The following KIAA1549L variants were observed in gnomAD, a reference collection of about 807,000 sequenced individuals.
KIAA1549L encodes the protein UPF0606 protein KIAA1549L.
KIAA1549L carries 88 observed loss-of-function variants against 160.7 expected under a neutral mutation model. That is an observed-to-expected ratio of 0.55 (90% CI 0.46 to 0.65). The LOEUF is 0.65. Ranked by LOEUF, KIAA1549L falls within the 30% of genes least tolerant of loss-of-function variation. The pLI is 0.00. For synonymous variants in KIAA1549L, 950 were observed against 976.7 expected, an observed-to-expected ratio of 0.97 and a Z score of 0.51; for missense variants, 2,258 against 2,437.5, an observed-to-expected ratio of 0.93 and a Z score of 1.55.
At position 33,494,688 on chromosome 11, in the gene KIAA1549L, A is replaced by G. The variant is rs78880380; in HGVS notation, c.239-47114A>G. On this transcript the variant is annotated intron_variant, in intron 1 of 20. Coordinates refer to ENST00000658780, the MANE Select transcript of KIAA1549L (RefSeq NM_012194.3). Reference sequence around the variant, plus strand: ...ATGAGGGTGCTAAGTGGCCAGTGAAATGGAAATTTTTCCAAAAGCCAGATT... The same window carrying G: ...ATGAGGGTGCTAAGTGGCCAGTGAAGTGGAAATTTTTCCAAAAGCCAGATT... Among the ~76,000 whole-genome samples the G allele has an allele frequency of 7.0e-3, 1,071 of 152,254 alleles. 16 individuals are homozygous for G. The highest frequency in any genetic ancestry group is 0.025 in the African/African-American group (1,034 of 41,548).
chr11:33,623,692 G>A (rs1851019942), intron 16 of KIAA1549L, among the ~76,000 whole-genome samples: 2 of 152,148 alleles, frequency 1.3e-5, no homozygotes, highest in Admixed American at 6.5e-5. Flanking sequence ...GCCACTTGGC[G>A]AGTGGGGAGT....
chr11:33,661,131 G>A (rs938833721), intron 20 of KIAA1549L, 117 bp downstream of exon 20: 9 of 1,037,850 alleles, frequency 8.7e-6, no homozygotes, highest in Admixed American at 7.8e-5. Flanking sequence ...CACAGTACCC[G>A]GATGACTAAA....
rs752331989 is a variant in KIAA1549L, at chr11:33,591,394, C to T, written c.4724C>T (p.Thr1575Ile). The change falls in exon 12 of 21, where the codon ACC becomes ATC. Residue 1575 changes from threonine (T) to isoleucine (I), a missense_variant. Thr to Ile is a moderately conservative substitution (Grantham distance 89, BLOSUM62 -1). Coordinates refer to ENST00000658780, the MANE Select transcript of KIAA1549L (RefSeq NM_012194.3). ...DVAQDGSTIK[T>I]AKSTETRKSR... is the part of the protein sequence containing the mutation. ...GCTCAGGATGGAAGCACCATCAAGA[C>T]CGCCAAATCCACTGAAACCAGGAAG... 4.4e-6 allele frequency: 7 copies of T among 1,606,884 alleles called. No homozygotes were observed. Among genetic ancestry groups the T allele is most frequent in the Non-Finnish European group, 6.0e-6 (7 of 1,174,622 alleles).
chr11:33,479,524 C>A (rs1204467410), intron 1 of KIAA1549L, among the ~76,000 whole-genome samples: 1 of 151,928 alleles, frequency 6.6e-6, no homozygotes, highest in Non-Finnish European at 1.5e-5. Flanking sequence ...AGTGGCTGTG[C>A]CAAAGAGAAA....
At chr11:33,451,460 C>G (rs1816256108) in intron 1 of KIAA1549L, among the ~76,000 whole-genome samples, 1 of 152,162 alleles carries the variant, frequency 6.6e-6, no homozygotes, top group South Asian at 2.1e-4. Flanking sequence ...TTTATTTTTC[C>G]TGAAGTTTCT....
chr11:33,530,483 A>ATG (rs1853743744), intron 1 of KIAA1549L, among the ~76,000 whole-genome samples: 9 of 124,072 alleles, frequency 7.3e-5, no homozygotes, highest in Non-Finnish European at 1.5e-4. Context: ...ATATATATAT[A>ATG]TGCAAGATTT....
rs1321827049 is a variant in KIAA1549L, at chr11:33,626,276, G to GT, written c.5409+7620dup. Among the ~76,000 whole-genome samples the GT allele has an allele frequency of 3.8e-4, 53 of 139,606 alleles. No homozygotes were observed. In the East Asian group the frequency reaches 8.7e-3, roughly 23 times the overall value. The allele number at this position is 139,606 out of a possible 152,430, so 91.6% of individuals were successfully genotyped here. ...TTGGTTCCATATGAACTTTAAAGTA[G>GT]TTTTTTCCAATTCTGTGAAGAAAGT... On this transcript the variant is annotated intron_variant, in intron 16 of 20. Coordinates refer to ENST00000658780, the MANE Select transcript of KIAA1549L (RefSeq NM_012194.3).
At chr11:33,661,392 C>T (rs77003092) in intron 20 of KIAA1549L, among the ~76,000 whole-genome samples, 6,742 of 152,272 alleles carry the variant, frequency 0.044, 201 homozygotes, top group Non-Finnish European at 0.068. Context: ...TGATTACTCC[C>T]ATCTTGCAGA....
At chr11:33,546,626 G>C (rs1363577650) in intron 3 of KIAA1549L, among the ~76,000 whole-genome samples, 1 of 152,134 alleles carries the variant, frequency 6.6e-6, no homozygotes, top group Admixed American at 6.5e-5. Context: ...CTGTTCTCCA[G>C]TCTGTAGTCA....
intron 1 of KIAA1549L, among the ~76,000 whole-genome samples, chr11:33,512,846 G>A (rs1230527527): frequency 1.3e-5 from 2 of 152,148 alleles, no homozygotes; most frequent in Non-Finnish European, 2.9e-5. Context: ...TTTGCCCAAG[G>A]TTACACAGCA....
At chr11:33,488,460 G>A (rs530307505) in intron 1 of KIAA1549L, among the ~76,000 whole-genome samples, 9 of 152,268 alleles carry the variant, frequency 5.9e-5, no homozygotes, top group African/African-American at 1.9e-4. Flanking sequence ...GGTAATTGAA[G>A]CCTCTAATTC....
At chr11:33,587,885 A>C (rs1849927930) in intron 11 of KIAA1549L, among the ~76,000 whole-genome samples, 1 of 152,190 alleles carries the variant, frequency 6.6e-6, no homozygotes, top group Non-Finnish European at 1.5e-5. Context: ...GGAGTGTTGC[A>C]TAGGAGCCAG....
intron 1 of KIAA1549L, among the ~76,000 whole-genome samples, chr11:33,473,378 G>A (rs1266445364): frequency 1.3e-5 from 2 of 152,164 alleles, no homozygotes; most frequent in Non-Finnish European, 2.9e-5. Context: ...AATCTTGGGC[G>A]AACAGGGGAT....
At chr11:33,391,790 C>G (rs769657177) in intron 1 of KIAA1549L, among the ~76,000 whole-genome samples, 6 of 152,152 alleles carry the variant, frequency 3.9e-5, no homozygotes, top group Non-Finnish European at 8.8e-5. Context: ...CTCCCAGTGT[C>G]CTACTGATGG....
intron 16 of KIAA1549L, among the ~76,000 whole-genome samples, chr11:33,622,824 A>G (rs1850996180): frequency 6.6e-6 from 1 of 152,192 alleles, no homozygotes; most frequent in African/African-American, 2.4e-5. Flanking sequence ...TATATCCCAA[A>G]GGCGAAAATG....
At chr11:33,544,443 C>G (rs1206694063) in intron 2 of KIAA1549L, 107 bp downstream of exon 2, 10 of 1,214,326 alleles carry the variant, frequency 8.2e-6, no homozygotes, top group Non-Finnish European at 9.3e-6. Flanking sequence ...CAGCTTTGCT[C>G]TGAAGGAGCT....
intron 12 of KIAA1549L, among the ~76,000 whole-genome samples, chr11:33,596,903 G>A (rs1310803618): frequency 3.9e-5 from 6 of 152,154 alleles, no homozygotes; most frequent in African/African-American, 1.2e-4. Flanking sequence ...ATCTAGGGGT[G>A]TGTGTCTTTT....
intron 1 of KIAA1549L, among the ~76,000 whole-genome samples, chr11:33,534,029 G>C (rs1853836471): frequency 6.6e-6 from 1 of 152,176 alleles, no homozygotes; most frequent in South Asian, 2.1e-4. Flanking sequence ...CAGCCAGTTT[G>C]GGGCTTGTGC....
intron 9 of KIAA1549L, 75 bp downstream of exon 9, chr11:33,568,302 T>A: frequency 7.1e-7 from 1 of 1,410,830 alleles, no homozygotes; most frequent in South Asian, 1.4e-5. Context: ...TGAGACTAAA[T>A]AAGTCAGTGT....
Sources: allele counts gnomAD v4.1 joint callset (sites outside exome capture counted in the v4.1 genomes callset), GRCh38; gene constraint gnomAD v4.1.1; transcripts MANE v1.5; gene names NCBI Gene and HGNC (gene_info 2026-07-23, HGNC 2026-07-21).